The following STRIP2 variants were observed in gnomAD, a reference collection of about 807,000 sequenced individuals.
STRIP2 encodes the protein striatin interacting protein 2, also known as striatin-interacting protein 2.
Under a neutral mutation model 107.1 loss-of-function variants are expected in STRIP2, and 84 were observed. That is an observed-to-expected ratio of 0.78 (90% CI 0.66 to 0.94). The LOEUF (loss-of-function observed/expected upper bound fraction) is 0.94. Among genes scored for constraint, STRIP2 ranks in the 40% least tolerant of loss-of-function variants. The pLI, the probability that STRIP2 is intolerant of heterozygous loss-of-function variation, is 0.00. For missense variants in STRIP2, 888 were observed against 1,034.2 expected (o/e 0.86, Z 1.94); for synonymous variants, 394 against 400.4 (o/e 0.98, Z 0.19).
rs10558220 is a variant in STRIP2 at position 129,479,274 on chromosome 7, C to CA, written c.1945-1495dup. Among the ~76,000 whole-genome samples the CA allele has an allele frequency of 5.1e-3, 690 of 135,760 alleles. 6 individuals are homozygous for CA. The highest frequency in any genetic ancestry group is 0.018 in the African/African-American group (659 of 36,624). 89.1% of individuals were successfully genotyped at this position (135,760 alleles called of 152,430 possible). A position where few individuals can be genotyped will look rare whatever the true frequency, so the allele number is the denominator to read the frequency against. On this transcript the variant is annotated intron_variant, in intron 18 of 20. Coordinates refer to ENST00000249344, the MANE Select transcript of STRIP2 (RefSeq NM_020704.3). ...GGGCAACAAAAGCAAAACTCTGTCTCAAAAAAAAAAAAAAAATGTAAAAGT... is the reference window on the plus strand; with the variant it reads ...GGGCAACAAAAGCAAAACTCTGTCTCAAAAAAAAAAAAAAAAATGTAAAAGT...
Position 129,467,455 on chromosome 7 carries a change from G to T in STRIP2, c.1877+5G>T. Reference sequence around the variant, plus strand: ...ATACATCACTGCCAAAAACAGGTATGAACTCTGGACAGGTTTATTTCAAGG... The same window carrying T: ...ATACATCACTGCCAAAAACAGGTATTAACTCTGGACAGGTTTATTTCAAGG... On this transcript the variant is annotated splice_donor_5th_base_variant and intron_variant, in intron 17 of 20. Transcript: ENST00000249344. 6.2e-7 allele frequency: 1 copy of T among 1,606,848 alleles called. No homozygotes were observed.
rs1798412388 is a variant in STRIP2, at chr7:129,458,032, T to C, written c.1039-183T>C. ...AATGGCAGGGTTACCTGAGAACTTC[T>C]TGTCCTGTTATTGGGCCGGGTGGGG... On this transcript the variant is annotated intron_variant, in intron 9 of 20. Transcript: ENST00000249344. This position sits in a 1 kb window ranked among gnomAD's most constrained non-coding sequence, Gnocchi z 4.6. 4 of 653,974 alleles carry C rather than the reference T, an allele frequency of 6.1e-6. No individual in the cohort carries two copies. The Admixed American group carries it at 8.7e-5, about 14-fold the overall frequency. The allele number at this position is 653,974 out of a possible 1,614,324, so 40.5% of individuals were successfully genotyped here.
At chr7:129,476,477 G>A (rs1322354111) in intron 18 of STRIP2, among the ~76,000 whole-genome samples, 3 of 147,404 alleles carry the variant, frequency 2.0e-5, no homozygotes. Context: ...GCTGCCGGGC[G>A]GAGGGGCTCC....
Position 129,470,723 on chromosome 7 carries a change from G to A in STRIP2, c.1944+8G>A. ...CTTACTACTGAAAGTCTGGTAAGCA[G>A]ATGGGGATTTGGTAGCCTTTGAAAT... On this transcript the variant is annotated splice_region_variant and intron_variant, in intron 18 of 20. Transcript: ENST00000249344. 1 of 1,613,034 alleles carries A rather than the reference G, an allele frequency of 6.2e-7. No individual in the cohort carries two copies. Among genetic ancestry groups the A allele is most frequent in the South Asian group, 1.1e-5 (1 of 91,058 alleles).
chr7:129,468,358 A>G (rs572426857), intron 17 of STRIP2, among the ~76,000 whole-genome samples: 2 of 152,270 alleles, frequency 1.3e-5, no homozygotes, highest in African/African-American at 2.4e-5. Context: ...CACACACCCT[A>G]TGGAGCCTGA....
In STRIP2 at chr7:129,466,790, TCTTTCCCC is replaced by T. The variant is rs574213276; in HGVS notation, c.1777-550_1777-543del. 1.9e-3 allele frequency among the ~76,000 whole-genome samples: 284 copies of T among 152,302 alleles called. 1 individual carries two copies. Among genetic ancestry groups the T allele is most frequent in the Middle Eastern group, 3.4e-3 (1 of 294 alleles). On this transcript the variant is annotated intron_variant, in intron 16 of 20. Coordinates refer to ENST00000249344, the MANE Select transcript of STRIP2 (RefSeq NM_020704.3). ...CATTTATTAAAACATTTACTAATAT[TCTTTCCCC>T]CTTTCCCCCATACTCCAAGCGGCCA...
intron 3 of STRIP2, among the ~76,000 whole-genome samples, chr7:129,447,650 C>G (rs1798072980): frequency 1.3e-5 from 2 of 152,354 alleles, no homozygotes; most frequent in South Asian, 4.1e-4. Context: ...AGGTATATTG[C>G]TGTCCCAGCC....
intron 5 of STRIP2, 102 bp downstream of exon 5, chr7:129,453,449 A>G: frequency 6.9e-7 from 1 of 1,444,108 alleles, no homozygotes; most frequent in Non-Finnish European, 9.4e-7. Flanking sequence ...CCCTGTGAGG[A>G]ACTGGGTCTA....
intron 16 of STRIP2, among the ~76,000 whole-genome samples, 171 bp from the exon 17 acceptor site, chr7:129,467,179 G>A (rs1798689641): frequency 6.6e-6 from 1 of 152,130 alleles, no homozygotes. Context: ...TGTAGGATGG[G>A]CTGGCTGAAG....
At position 129,486,996 on chromosome 7, in the gene STRIP2, C is replaced by CTTTTTTTTT. The variant is rs544536095; in HGVS notation, c.*1193_*1201dup. ...TTTCTGATTTAGTTAGGATCATATG[C>CTTTTTTTTT]TTTTTTTTTTTTTTTTTTTTTTTTT... On this transcript the variant is annotated 3_prime_UTR_variant, in exon 21 of 21. Coordinates refer to ENST00000249344, the MANE Select transcript of STRIP2 (RefSeq NM_020704.3). The CTTTTTTTTT allele has an allele frequency of 1.1e-4, 6 of 53,168 alleles. No individual in the cohort carries two copies. Among genetic ancestry groups the CTTTTTTTTT allele is most frequent in the African/African-American group, 4.1e-4 (5 of 12,200 alleles). 3.3% of individuals were successfully genotyped at this position (53,168 alleles called of 1,614,324 possible).
Position 129,454,402 on chromosome 7 carries a change from G to A in STRIP2, c.600-19G>A, listed in dbSNP as rs774960129. On this transcript the variant is annotated intron_variant, in intron 6 of 20. Transcript: ENST00000249344. Reference sequence around the variant, plus strand: ...GGGAATTGCCTTGGGAACCTCTTGTGACTCTTCTGTAACCCCAGGGTGCTG... The same window carrying A: ...GGGAATTGCCTTGGGAACCTCTTGTAACTCTTCTGTAACCCCAGGGTGCTG... The A allele has an allele frequency of 2.5e-6, 4 of 1,600,042 alleles. No homozygotes were observed. The highest frequency in any genetic ancestry group is 3.4e-6 in the Non-Finnish European group (4 of 1,167,398).
At chr7:129,477,274 G>C (rs1798996082) in intron 18 of STRIP2, among the ~76,000 whole-genome samples, 1 of 146,764 alleles carries the variant, frequency 6.8e-6, no homozygotes, top group Admixed American at 7.0e-5. Flanking sequence ...CCGTACTTAT[G>C]AGTACATTCC....
In STRIP2 at chr7:129,483,903, G is replaced by A. The variant is rs1000608358; in HGVS notation, c.2254+857G>A. Among the ~76,000 whole-genome samples the A allele has an allele frequency of 2.0e-5, 3 of 151,882 alleles. No homozygotes were observed. Among genetic ancestry groups the A allele is most frequent in the Admixed American group, 6.6e-5 (1 of 15,236 alleles). On this transcript the variant is annotated intron_variant, in intron 20 of 20. Coordinates refer to ENST00000249344, the MANE Select transcript of STRIP2 (RefSeq NM_020704.3). The surrounding 1 kb of genome is among the most constrained non-coding windows in gnomAD (Gnocchi z 5.1). ...ACAGATGCATACCACCACTACACCC[G>A]GCTAATTTTTCAAATTTTTTTGTAG...
Position 129,458,439 on chromosome 7 carries a change from C to T in STRIP2, c.1263C>T (p.Ala421=). The change falls in exon 10 of 21, where the codon GCC becomes GCT. Residue 421 remains alanine, a synonymous_variant. Transcript: ENST00000249344. This position sits in a 1 kb window ranked among gnomAD's most constrained non-coding sequence, Gnocchi z 4.6. ...CTTTTCCCAAGGGCCTGCCCTGGGCCCCAAAGGTCAGGTAGGTTTGATAGC... is the reference window on the plus strand; with the variant it reads ...CTTTTCCCAAGGGCCTGCCCTGGGCTCCAAAGGTCAGGTAGGTTTGATAGC... The part of the protein sequence containing the change: ...RVAFPKGLPW[A]PKVRQKDIEH... The T allele has an allele frequency of 1.3e-6, 2 of 1,594,200 alleles. No homozygotes were observed. The highest frequency in any genetic ancestry group is 2.3e-5 in the South Asian group (2 of 88,426).
rs147591743 is a variant in STRIP2, at chr7:129,466,107, A to G, written c.1777-1243A>G. Among the ~76,000 whole-genome samples the G allele has an allele frequency of 1.9e-3, 291 of 152,238 alleles. 1 individual carries two copies. Among genetic ancestry groups the G allele is most frequent in the African/African-American group, 6.6e-3 (275 of 41,524 alleles). On this transcript the variant is annotated intron_variant, in intron 16 of 20. Coordinates refer to ENST00000249344, the MANE Select transcript of STRIP2 (RefSeq NM_020704.3). Reference sequence around the variant, plus strand: ...ATAGTGTTTCTAGTGGAAAGAGAACAGAGAACTGTAGATGTGTGTTTACTT... The same window carrying G: ...ATAGTGTTTCTAGTGGAAAGAGAACGGAGAACTGTAGATGTGTGTTTACTT...
At chr7:129,467,284 T>C in intron 16 of STRIP2, 66 bp from the exon 17 acceptor site, 1 of 1,191,118 alleles carries the variant, frequency 8.4e-7, no homozygotes, top group Non-Finnish European at 1.2e-6. Context: ...TTCCTCTCTT[T>C]TTTTCAAACA....
chr7:129,483,000 C>G lies in STRIP2; in HGVS notation c.2208C>G (p.Tyr736Ter). ...ACATGAAAACCATGTCAGCCATTTA[C>G]CAGAAAGTGCGTCACCGCATGAACG... is the stretch of plus-strand genomic sequence containing the variant. ...KSNMKTMSAI[Y>*]QKVRHRMNDD... Residue 736 changes from tyrosine to a stop codon, truncating the protein, a stop_gained, in exon 20 of 21, where the codon TAC (tyrosine) becomes TAG (stop). Coordinates refer to ENST00000249344, the MANE Select transcript of STRIP2 (RefSeq NM_020704.3). LOFTEE classifies it high-confidence loss of function. 2 of 1,614,152 alleles carry G rather than the reference C, an allele frequency of 1.2e-6. No homozygotes were observed. Among genetic ancestry groups the G allele is most frequent in the Non-Finnish European group, 1.7e-6 (2 of 1,180,034 alleles).
chr7:129,447,814 C>G (rs1798077945), intron 3 of STRIP2, among the ~76,000 whole-genome samples: 1 of 152,232 alleles, frequency 6.6e-6, no homozygotes, highest in South Asian at 2.1e-4. Context: ...ATTGGAGTCA[C>G]CACTTGGTTA....
At chr7:129,472,042 A>T (rs1463940289) in intron 18 of STRIP2, among the ~76,000 whole-genome samples, 1 of 152,200 alleles carries the variant, frequency 6.6e-6, no homozygotes, top group Non-Finnish European at 1.5e-5. Context: ...TCGTTAAAAC[A>T]ACTCTATGAG....
Sources: allele counts gnomAD v4.1 joint callset (sites outside exome capture counted in the v4.1 genomes callset), GRCh38; gene constraint gnomAD v4.1.1; non-coding constraint Gnocchi (gnomAD v3.1); transcripts MANE v1.5; gene names NCBI Gene and HGNC (gene_info 2026-07-23, HGNC 2026-07-21).